STAU2: variants seen among roughly 807,000 people sequenced by gnomAD.
STAU2 encodes the protein double-stranded RNA-binding protein Staufen homolog 2.
A neutral mutation model predicts 65.9 loss-of-function variants in STAU2; 20 were observed. That is an observed-to-expected ratio of 0.30 (90% CI 0.21 to 0.44). The LOEUF (loss-of-function observed/expected upper bound fraction) is 0.44. STAU2 is among the 20% of genes least tolerant of loss of function. The pLI, the probability that STAU2 is intolerant of heterozygous loss-of-function variation, is 1.00. For missense variants in STAU2, 558 were observed against 683.9 expected, an observed-to-expected ratio of 0.82 and a Z score of 2.05; for synonymous variants, 232 against 233.9, an observed-to-expected ratio of 0.99 and a Z score of 0.07.
intron 4 of STAU2, among the ~76,000 whole-genome samples, chr8:73,701,230 G>A (rs1391523295): frequency 6.6e-6 from 1 of 152,030 alleles, no homozygotes; most frequent in African/African-American, 2.4e-5. Context: ...CATTTCTTGA[G>A]TAATACCCCA....
At position 73,429,413 on chromosome 8, in the gene STAU2, C is replaced by CTT. The variant is rs71561522; in HGVS notation, c.1531-6713_1531-6712dup. On this transcript the variant is annotated intron_variant, in intron 13 of 14. Coordinates refer to ENST00000524300, the MANE Select transcript of STAU2 (RefSeq NM_001164380.2). ...AACCAATCTATATTCTTGCTCAGGT[C>CTT]TTTTTTTTTTTTTTTTTTTTTTTTT... Among the ~76,000 whole-genome samples, 592 of 65,344 alleles carry CTT rather than the reference C, an allele frequency of 9.1e-3. 246 individuals are homozygous for CTT. Among genetic ancestry groups the CTT allele is most frequent in the East Asian group, 0.029 (45 of 1,546 alleles). 42.9% of individuals were successfully genotyped at this position (65,344 alleles called of 152,430 possible).
At chr8:73,619,584 G>T (rs1001820250) in intron 6 of STAU2, among the ~76,000 whole-genome samples, 1 of 152,218 alleles carries the variant, frequency 6.6e-6, no homozygotes, top group Non-Finnish European at 1.5e-5. Flanking sequence ...TTTACTGAAG[G>T]TGAAGAACTA....
intron 6 of STAU2, among the ~76,000 whole-genome samples, chr8:73,667,823 C>A (rs1240764056): frequency 6.6e-6 from 1 of 152,136 alleles, no homozygotes; most frequent in Non-Finnish European, 1.5e-5. Flanking sequence ...CTCTGTTTTG[C>A]AAATGAGGAA....
chr8:73,640,226 G>GA (rs1411924884), intron 6 of STAU2, among the ~76,000 whole-genome samples: 1 of 148,054 alleles, frequency 6.8e-6, no homozygotes, highest in Non-Finnish European at 1.5e-5. Flanking sequence ...TGATCAATAG[G>GA]AAAAAAGAAA....
intron 13 of STAU2, among the ~76,000 whole-genome samples, chr8:73,485,844 AC>A (rs1301193293): frequency 6.6e-6 from 1 of 152,054 alleles, no homozygotes; most frequent in Non-Finnish European, 1.5e-5. Flanking sequence ...AAACAAACAA[AC>A]AAACAAACAA....
chr8:73,626,787 T>C (rs1813675283), intron 6 of STAU2, among the ~76,000 whole-genome samples: 1 of 152,128 alleles, frequency 6.6e-6, no homozygotes, highest in South Asian at 2.1e-4. Flanking sequence ...TGGGAGGCAG[T>C]AGAACACACA....
chr8:73,443,531 C>T (rs1313726132), intron 13 of STAU2, among the ~76,000 whole-genome samples: 1 of 152,166 alleles, frequency 6.6e-6, no homozygotes, highest in African/African-American at 2.4e-5. Flanking sequence ...AAATCAGGCA[C>T]CTTCTCAATG....
chr8:73,721,537 A>C (rs1044775457), intron 3 of STAU2, among the ~76,000 whole-genome samples: 1 of 152,058 alleles, frequency 6.6e-6, no homozygotes, highest in African/African-American at 2.4e-5. Context: ...TGGATTTCTC[A>C]ATTTCTCCTT....
chr8:73,671,912 C>G (rs1343235966), intron 6 of STAU2, among the ~76,000 whole-genome samples: 1 of 152,034 alleles, frequency 6.6e-6, no homozygotes, highest in Non-Finnish European at 1.5e-5. Flanking sequence ...GTAATCCCAG[C>G]TACTCAGGAG....
intron 13 of STAU2, among the ~76,000 whole-genome samples, chr8:73,461,274 C>A (rs1047246509): frequency 2.6e-5 from 4 of 152,090 alleles, no homozygotes; most frequent in African/African-American, 9.7e-5. Context: ...CAGATATACA[C>A]GACAGATCAA....
chr8:73,651,684 G>A (rs1329356931), intron 6 of STAU2: 4 of 479,956 alleles, frequency 8.3e-6, no homozygotes, highest in Non-Finnish European at 1.5e-5. Flanking sequence ...GGCAGCCTCT[G>A]GCGTACCACC....
At chr8:73,617,267 A>G in intron 7 of STAU2, 25 bp downstream of exon 7, 1 of 1,607,532 alleles carries the variant, frequency 6.2e-7, no homozygotes, top group Non-Finnish European at 8.5e-7. Flanking sequence ...GAAAGAACAG[A>G]CTGTCACATG....
intron 6 of STAU2, among the ~76,000 whole-genome samples, chr8:73,619,211 A>G (rs926990487): frequency 5.9e-5 from 9 of 152,136 alleles, no homozygotes; most frequent in African/African-American, 2.2e-4. Flanking sequence ...CCTGAAAGTC[A>G]AACAGGAAAA....
chr8:73,710,404 A>T, intron 3 of STAU2, among the ~76,000 whole-genome samples: 5 of 134,910 alleles, frequency 3.7e-5, no homozygotes, highest in African/African-American at 5.6e-5. Flanking sequence ...TATTATAGTT[A>T]CCAACTTTTC....
intron 5 of STAU2, among the ~76,000 whole-genome samples, chr8:73,675,954 A>G (rs535221334): frequency 4.6e-5 from 7 of 152,304 alleles, no homozygotes; most frequent in Admixed American, 3.9e-4. Flanking sequence ...TCATGTCTAC[A>G]ACTTATTCCC....
chr8:73,463,932 T>C lies in STAU2; in HGVS notation c.1531-41230A>G, dbSNP rs79385949. Among the ~76,000 whole-genome samples the C allele has an allele frequency of 3.7e-3, 556 of 152,298 alleles. 4 individuals carry two copies. Among genetic ancestry groups the C allele is most frequent in the African/African-American group, 0.013 (526 of 41,554 alleles). On this transcript the variant is annotated intron_variant, in intron 13 of 14. Transcript: ENST00000524300. The stretch of plus-strand genomic sequence containing the variant: ...TGTACTGAGAAGGAAGTGGGGTTGG[T>C]GGCTACAAAAGACTTCAAAGTGGTG...
intron 3 of STAU2, among the ~76,000 whole-genome samples, chr8:73,736,466 A>G (rs964065637): frequency 2.6e-5 from 4 of 152,240 alleles, no homozygotes; most frequent in Admixed American, 6.5e-5. Context: ...CTATAACTAC[A>G]AATGTCATGT....
chr8:73,697,400 A>T (rs1254983234), intron 4 of STAU2: 1 of 152,184 alleles, frequency 6.6e-6, no homozygotes, highest in East Asian at 1.9e-4. Flanking sequence ...TTTCATCAAC[A>T]CCAGACTTGT....
intron 12 of STAU2, among the ~76,000 whole-genome samples, chr8:73,555,843 C>G (rs1807713814): frequency 6.6e-6 from 1 of 152,112 alleles, no homozygotes; most frequent in Non-Finnish European, 1.5e-5. Flanking sequence ...GACTGTATAT[C>G]AATCCTATTT....
Sources: gnomAD v4.1 joint callset for allele counts (sites outside exome capture counted in the v4.1 genomes callset) on GRCh38, gnomAD v4.1.1 for gene constraint, MANE v1.5 for transcripts, NCBI Gene and HGNC (gene_info 2026-07-23, HGNC 2026-07-21) for gene names.